The following PRKN variants were observed in gnomAD, a reference collection of about 807,000 sequenced individuals.
PRKN encodes the protein E3 ubiquitin-protein ligase parkin.
PRKN carries 56 observed loss-of-function variants against 59.5 expected under a neutral mutation model. The ratio of observed to expected loss-of-function variants is 0.94; its 90% CI spans 0.76 to 1.18. The LOEUF (loss-of-function observed/expected upper bound fraction) is 1.18. PRKN is among the 50% of genes most tolerant of loss of function. The pLI, the probability that PRKN is intolerant of heterozygous loss-of-function variation, is 0.00. For synonymous variants in PRKN, 250 were observed against 222.1 expected, an observed-to-expected ratio of 1.13 and a Z score of -1.12; for missense variants, 657 against 596.4, an observed-to-expected ratio of 1.10 and a Z score of -1.06.
At chr6:162,565,459 G>A (rs999509261) in intron 1 of PRKN, among the ~76,000 whole-genome samples, 3 of 152,116 alleles carry the variant, frequency 2.0e-5, no homozygotes, top group Admixed American at 6.6e-5. Flanking sequence ...TGAGGTGGGC[G>A]GGTCACCTGC....
At chr6:162,535,567 T>C (rs963127251) in intron 1 of PRKN, among the ~76,000 whole-genome samples, 3 of 152,032 alleles carry the variant, frequency 2.0e-5, no homozygotes, top group Non-Finnish European at 4.4e-5. Flanking sequence ...CAATCATCCA[T>C]ATTCATAAAT....
intron 4 of PRKN, among the ~76,000 whole-genome samples, chr6:162,136,034 T>C (rs1373215204): frequency 6.6e-6 from 1 of 151,662 alleles, no homozygotes; most frequent in Admixed American, 6.6e-5. Flanking sequence ...CAGAATACAT[T>C]GTACATATAT....
At chr6:162,268,681 G>T (rs753222071) in intron 2 of PRKN, among the ~76,000 whole-genome samples, 1 of 152,104 alleles carries the variant, frequency 6.6e-6, no homozygotes, top group Non-Finnish European at 1.5e-5. Flanking sequence ...TTCACGATGG[G>T]TTCAACAACA....
chr6:162,548,622 G>A (rs564693955), intron 1 of PRKN, among the ~76,000 whole-genome samples: 1 of 152,192 alleles, frequency 6.6e-6, no homozygotes, highest in Admixed American at 6.5e-5. Flanking sequence ...TAATACAATT[G>A]TCCATTTCCT....
chr6:161,545,893 TC>T lies in PRKN; in HGVS notation c.1083+2960del, dbSNP rs1412272611. On this transcript the variant is annotated intron_variant, in intron 9 of 11. Coordinates refer to ENST00000366898, the MANE Select transcript of PRKN (RefSeq NM_004562.3). The surrounding 1 kb of genome is among the most constrained non-coding windows in gnomAD (Gnocchi z 4.1). ...CCTTGTGGAAAAGTCTGTTGGGATG[TC>T]CTGAACCACAGGCATCACATTTCCT... Among the ~76,000 whole-genome samples, 2 of 152,206 alleles carry T rather than the reference TC, an allele frequency of 1.3e-5. No individual in the cohort carries two copies. Among genetic ancestry groups the T allele is most frequent in the African/African-American group, 2.4e-5 (1 of 41,442 alleles).
At chr6:162,432,983 A>G (rs548499834) in intron 2 of PRKN, among the ~76,000 whole-genome samples, 46 of 152,314 alleles carry the variant, frequency 3.0e-4, no homozygotes, top group African/African-American at 1.1e-3. Context: ...ACTTAACTCA[A>G]AGGAGTTCCC....
intron 5 of PRKN, among the ~76,000 whole-genome samples, chr6:162,011,530 T>TAA (rs1187397704): frequency 1.6e-5 from 2 of 123,626 alleles, no homozygotes; most frequent in African/African-American, 6.2e-5. Context: ...TATATATATA[T>TAA]AAAACTTTCC....
At chr6:161,977,293 C>CAA in intron 5 of PRKN, among the ~76,000 whole-genome samples, 1 of 152,256 alleles carries the variant, frequency 6.6e-6, no homozygotes, top group East Asian at 1.9e-4. Flanking sequence ...CATCATATTA[C>CAA]ACCAGTTCCC....
intron 10 of PRKN, among the ~76,000 whole-genome samples, chr6:161,384,049 C>T (rs1211993458): frequency 1.3e-5 from 2 of 152,174 alleles, no homozygotes; most frequent in Non-Finnish European, 2.9e-5. Flanking sequence ...AGGGCTGCTT[C>T]ATCCTGAGTT....
chr6:162,344,846 T>C (rs770950270), intron 2 of PRKN, among the ~76,000 whole-genome samples: 1 of 152,182 alleles, frequency 6.6e-6, no homozygotes, highest in Non-Finnish European at 1.5e-5. Flanking sequence ...AGTGAGTTTC[T>C]TTTGGTTTGG....
rs1791507441 is a variant in PRKN at position 161,483,376 on chromosome 6, G to A, written c.1083+65478C>T. Among the ~76,000 whole-genome samples the A allele has an allele frequency of 6.6e-6, 1 of 152,152 alleles. No homozygotes were observed. Among genetic ancestry groups the A allele is most frequent in the South Asian group, 2.1e-4 (1 of 4,828 alleles). The stretch of plus-strand genomic sequence containing the variant: ...TGTCGGCTTCCCCCTGAAAATCCAT[G>A]ATAAAGATTGAGCGTGGTTGAAAGG... On this transcript the variant is annotated intron_variant, in intron 9 of 11. Coordinates refer to ENST00000366898, the MANE Select transcript of PRKN (RefSeq NM_004562.3). The surrounding 1 kb of genome is among the most constrained non-coding windows in gnomAD (Gnocchi z 5.0).
chr6:162,545,636 A>G (rs1779088295), intron 1 of PRKN, among the ~76,000 whole-genome samples: 1 of 152,212 alleles, frequency 6.6e-6, no homozygotes, highest in South Asian at 2.1e-4. Context: ...GTATTCTAAT[A>G]GTATTTTTAA....
intron 1 of PRKN, among the ~76,000 whole-genome samples, chr6:162,468,697 C>T (rs1038520107): frequency 1.3e-5 from 2 of 152,142 alleles, no homozygotes; most frequent in South Asian, 4.1e-4. Context: ...TGAGCAGCTC[C>T]GGCCAGCCAA....
Position 162,679,109 on chromosome 6 carries a change from T to TATTTATTA in PRKN, c.7+48552_7+48553insTAATAAAT, listed in dbSNP as rs780065550. On this transcript the variant is annotated intron_variant, in intron 1 of 11. Coordinates refer to ENST00000366898, the MANE Select transcript of PRKN (RefSeq NM_004562.3). ...TTATTTATTTATTTATTTATTTATT[T>TATTTATTA]ATGAATGAATGAGACAGTTTCGCCC... is the stretch of plus-strand genomic sequence containing the variant. Among the ~76,000 whole-genome samples, 1,060 of 148,498 alleles carry TATTTATTA rather than the reference T, an allele frequency of 7.1e-3. 20 individuals are homozygous for TATTTATTA. Among genetic ancestry groups the TATTTATTA allele is most frequent in the Non-Finnish European group, 5.4e-3 (359 of 66,884 alleles).
chr6:161,614,189 T>C (rs1277720906), intron 7 of PRKN, among the ~76,000 whole-genome samples: 1 of 152,234 alleles, frequency 6.6e-6, no homozygotes, highest in Non-Finnish European at 1.5e-5. Flanking sequence ...AGGGGTGAGT[T>C]TGGAGAGCCT....
At chr6:162,079,751 T>G (rs1302274781) in intron 4 of PRKN, among the ~76,000 whole-genome samples, 1 of 152,140 alleles carries the variant, frequency 6.6e-6, no homozygotes, top group Non-Finnish European at 1.5e-5. Flanking sequence ...AACATAGAGT[T>G]ATGCGTGATT....
intron 6 of PRKN, among the ~76,000 whole-genome samples, chr6:161,899,007 G>T (rs1329790265): frequency 6.6e-6 from 1 of 152,208 alleles, no homozygotes; most frequent in Non-Finnish European, 1.5e-5. Context: ...GAATCCAAGG[G>T]CTCCTCTGCC....
chr6:162,022,668 T>G (rs1409221030), intron 5 of PRKN, among the ~76,000 whole-genome samples: 4 of 152,178 alleles, frequency 2.6e-5, no homozygotes, highest in Non-Finnish European at 5.9e-5. Context: ...CAGAAGCTCT[T>G]TAGCTTGTCA....
intron 7 of PRKN, among the ~76,000 whole-genome samples, chr6:161,609,642 T>C (rs1237637055): frequency 6.6e-6 from 1 of 152,166 alleles, no homozygotes; most frequent in Non-Finnish European, 1.5e-5. Context: ...TGATAATACA[T>C]GAACTTTCCT....
Sources: gnomAD v4.1 joint callset for allele counts (sites outside exome capture counted in the v4.1 genomes callset) on GRCh38, gnomAD v4.1.1 for gene constraint, Gnocchi (gnomAD v3.1) non-coding constraint, MANE v1.5 for transcripts, NCBI Gene and HGNC (gene_info 2026-07-23, HGNC 2026-07-21) for gene names.